The following DOK6 variants were observed in gnomAD, a reference collection of about 807,000 sequenced individuals.
DOK6 encodes the protein downstream of tyrosine kinase 6.
Under a neutral mutation model 44.0 loss-of-function variants are expected in DOK6, and 22 were observed. The observed-to-expected ratio is 0.50, with a 90% CI of 0.36 to 0.71. DOK6 has a LOEUF of 0.71. Ranked by LOEUF, DOK6 falls within the 30% of genes least tolerant of loss-of-function variation. The pLI, the probability that DOK6 is intolerant of heterozygous loss-of-function variation, is 0.00. For missense variants in DOK6, 340 were observed against 416.4 expected, an observed-to-expected ratio of 0.82 and a Z score of 1.60; for synonymous variants, 166 against 145.5, an observed-to-expected ratio of 1.14 and a Z score of -1.01.
chr18:69,631,970 T>C (rs1984700783), intron 3 of DOK6, among the ~76,000 whole-genome samples: 1 of 152,230 alleles, frequency 6.6e-6, no homozygotes, highest in Non-Finnish European at 1.5e-5. Flanking sequence ...TGATTCATTG[T>C]ATGCCTTAAG....
chr18:69,481,062 T>G (rs1599151254), intron 1 of DOK6, among the ~76,000 whole-genome samples: 1 of 152,062 alleles, frequency 6.6e-6, no homozygotes, highest in South Asian at 2.1e-4. Context: ...GGTAGAGGAT[T>G]GGGAGACCCA....
intron 1 of DOK6, among the ~76,000 whole-genome samples, chr18:69,408,612 G>GT (rs1386045362): frequency 2.0e-5 from 3 of 152,148 alleles, no homozygotes; most frequent in African/African-American, 4.8e-5. Flanking sequence ...TCAACTTAGT[G>GT]AAAGGTGAGT....
intron 3 of DOK6, among the ~76,000 whole-genome samples, chr18:69,604,942 G>A (rs1983959486): frequency 6.6e-6 from 1 of 152,158 alleles, no homozygotes; most frequent in South Asian, 2.1e-4. Flanking sequence ...GGTGAAGTCT[G>A]AAGAAACCCA....
chr18:69,672,434 C>T (rs1389301394), intron 3 of DOK6, among the ~76,000 whole-genome samples: 1 of 152,226 alleles, frequency 6.6e-6, no homozygotes. Flanking sequence ...TCTCAGCTCA[C>T]CGCAAGCTCC....
intron 4 of DOK6, among the ~76,000 whole-genome samples, chr18:69,695,866 A>G (rs1245120796): frequency 5.3e-5 from 8 of 152,208 alleles, no homozygotes; most frequent in African/African-American, 1.4e-4. Flanking sequence ...AGAGTTCTAA[A>G]CCACAACAAG....
intron 1 of DOK6, among the ~76,000 whole-genome samples, chr18:69,459,993 A>G (rs1437498803): frequency 6.6e-6 from 1 of 152,198 alleles, no homozygotes. Flanking sequence ...ATTTATAACC[A>G]ATTTATCTCA....
intron 6 of DOK6, among the ~76,000 whole-genome samples, chr18:69,747,595 C>CA (rs1335935994): frequency 6.7e-6 from 1 of 150,140 alleles, no homozygotes; most frequent in Non-Finnish European, 1.5e-5. Flanking sequence ...TCCGCTCCGC[C>CA]CCCTCCCCCC....
At chr18:69,831,409 T>C (rs1273223934) in intron 7 of DOK6, among the ~76,000 whole-genome samples, 1 of 152,220 alleles carries the variant, frequency 6.6e-6, no homozygotes, top group African/African-American at 2.4e-5. Context: ...TTTCACCAGC[T>C]ATCTGGGCAT....
At chr18:69,808,020 T>C (rs563324541) in intron 7 of DOK6, among the ~76,000 whole-genome samples, 6 of 151,962 alleles carry the variant, frequency 3.9e-5, no homozygotes, top group Non-Finnish European at 7.4e-5. Context: ...CATGGACTAT[T>C]CCATGTTAGA....
At chr18:69,713,450 G>C (rs1986813528) in intron 5 of DOK6, among the ~76,000 whole-genome samples, 1 of 152,234 alleles carries the variant, frequency 6.6e-6, no homozygotes, top group Admixed American at 6.5e-5. Flanking sequence ...GTATTCCAGA[G>C]GTTCCTAACA....
intron 1 of DOK6, among the ~76,000 whole-genome samples, chr18:69,410,598 G>A (rs1464465606): frequency 6.6e-6 from 1 of 152,190 alleles, no homozygotes; most frequent in African/African-American, 2.4e-5. Flanking sequence ...TTTCTTCGAT[G>A]TACAGAAATT....
At chr18:69,670,712 G>A (rs1184983154) in intron 3 of DOK6, among the ~76,000 whole-genome samples, 1 of 151,992 alleles carries the variant, frequency 6.6e-6, no homozygotes, top group East Asian at 1.9e-4. Context: ...GTTTCACCCT[G>A]TTGGCTAGGA....
At chr18:69,664,466 T>A (rs1158909364) in intron 3 of DOK6, among the ~76,000 whole-genome samples, 1 of 152,218 alleles carries the variant, frequency 6.6e-6, no homozygotes, top group Non-Finnish European at 1.5e-5. Context: ...CCTCAATAAT[T>A]ATTTGTATTT....
chr18:69,609,447 T>C (rs1042209978), intron 3 of DOK6, among the ~76,000 whole-genome samples: 3 of 145,320 alleles, frequency 2.1e-5, no homozygotes, highest in Non-Finnish European at 4.6e-5. Context: ...ATGAGTATTA[T>C]GAAAATGTAA....
intron 1 of DOK6, among the ~76,000 whole-genome samples, chr18:69,550,655 A>G (rs1000962726): frequency 2.0e-5 from 3 of 152,098 alleles, no homozygotes; most frequent in Admixed American, 2.0e-4. Flanking sequence ...AAGTGTATGG[A>G]GAGCTAAGAG....
chr18:69,535,131 C>T (rs2144576466), intron 1 of DOK6, among the ~76,000 whole-genome samples: 1 of 152,158 alleles, frequency 6.6e-6, no homozygotes, highest in South Asian at 2.1e-4. Context: ...GTTAAAATTG[C>T]ATTTATAGAT....
chr18:69,739,098 G>A lies in DOK6; in HGVS notation c.733G>A (p.Ala245Thr). 3 of 1,613,900 alleles carry A rather than the reference G, an allele frequency of 1.9e-6. No individual in the cohort carries two copies. Among genetic ancestry groups the A allele is most frequent in the Middle Eastern group, 1.7e-4 (1 of 6,054 alleles). The change falls in exon 6 of 8, where the codon GCC becomes ACC. Residue 245 changes from alanine to threonine, a missense_variant. By Grantham distance (58) the Ala-to-Thr change is moderately conservative (BLOSUM62 0). Coordinates refer to ENST00000382713, the MANE Select transcript of DOK6 (RefSeq NM_152721.6). Reference sequence around the variant, plus strand: ...ATTAATGCTAGAAATGGAACAGAAGGCCCGGGTAAGGCCCCTTCCTTGGTA... The same window carrying A: ...ATTAATGCTAGAAATGGAACAGAAGACCCGGGTAAGGCCCCTTCCTTGGTA... ...ERLMLEMEQK[A>T]RLQTSLTEPM...
chr18:69,469,794 C>T (rs972557658), intron 1 of DOK6: 2 of 238,704 alleles, frequency 8.4e-6, no homozygotes, highest in African/African-American at 2.3e-5. Context: ...GCGGATGGAG[C>T]GCGGCAGAGG....
rs1461758005 is a variant in DOK6 at position 69,528,633 on chromosome 18, TA to T, written c.67-35853del. Among the ~76,000 whole-genome samples the T allele has an allele frequency of 2.6e-5, 4 of 152,344 alleles. No homozygotes were observed. The East Asian group carries it at 7.7e-4, about 29-fold the overall frequency. On this transcript the variant is annotated intron_variant, in intron 1 of 7. Coordinates refer to ENST00000382713, the MANE Select transcript of DOK6 (RefSeq NM_152721.6). The stretch of plus-strand genomic sequence containing the variant: ...ATAGTCCTGCATTTCAGCATGTACT[TA>T]TTTAGGCTTTCTGTTTAAATGTAAG...
Sources: gnomAD v4.1 joint callset for allele counts (sites outside exome capture counted in the v4.1 genomes callset) on GRCh38, gnomAD v4.1.1 for gene constraint, MANE v1.5 for transcripts, NCBI Gene and HGNC (gene_info 2026-07-23, HGNC 2026-07-21) for gene names.